Variants in ANKRD53 observed in about 807,000 individuals in gnomAD.
The protein encoded by ANKRD53 is ankyrin repeat domain 53.
In ANKRD53, 27 loss-of-function variants were observed where a neutral mutation model predicts 30.1. The observed-to-expected ratio is 0.90, with a 90% CI of 0.66 to 1.24. The LOEUF is 1.24. Among genes scored for constraint, ANKRD53 ranks in the 50% most tolerant of loss-of-function variants. ANKRD53 has a pLI of 0.00. For synonymous variants in ANKRD53, 286 were observed against 295.4 expected (o/e 0.97, Z 0.33); for missense variants, 682 against 721.0 (o/e 0.95, Z 0.62).
intron 2 of ANKRD53, 132 bp from the exon 3 acceptor site, chr2:70,979,529 T>G: frequency 7.2e-7 from 1 of 1,383,150 alleles, no homozygotes; most frequent in Non-Finnish European, 9.8e-7. Flanking sequence ...ACTGGTTAAT[T>G]AGCAAAAGGG....
chr2:70,983,991 A>G (rs1670091640), intron 5 of ANKRD53: 1 of 777,484 alleles, frequency 1.3e-6, no homozygotes, highest in African/African-American at 1.7e-5. Flanking sequence ...GGACAGAGCT[A>G]GATTGAGTTG....
chr2:70,982,298 C>A lies in ANKRD53; in HGVS notation c.782+198C>A. 1 of 754,248 alleles carries A rather than the reference C, an allele frequency of 1.3e-6. No individual in the cohort carries two copies. 46.7% of individuals were successfully genotyped at this position (754,248 alleles called of 1,614,324 possible). A position where few individuals can be genotyped will look rare whatever the true frequency, so the allele number is the denominator to read the frequency against. On this transcript the variant is annotated intron_variant, in intron 4 of 5. Transcript: ENST00000360589. This position sits in a 1 kb window ranked among gnomAD's most constrained non-coding sequence, Gnocchi z 4.2. ...GGCTTGGGGGTAAGTCTGCCCAGGT[C>A]CCCTGCTCTCTGGGTTGATCACTGC... is the stretch of plus-strand genomic sequence containing the variant.
Position 70,982,217 on chromosome 2 carries a change from G to A in ANKRD53, c.782+117G>A. 8.0e-7 allele frequency: 1 copy of A among 1,243,546 alleles called. No homozygotes were observed. 77.0% of individuals were successfully genotyped at this position (1,243,546 alleles called of 1,614,324 possible). A position where few individuals can be genotyped will look rare whatever the true frequency, so the allele number is the denominator to read the frequency against. ...GGGAGGGTTGGGAAGCCAGACAGCT[G>A]GAGGATGCGCCTACTGCCCAGGATA... On this transcript the variant is annotated intron_variant, in intron 4 of 5. Coordinates refer to ENST00000360589, the MANE Select transcript of ANKRD53 (RefSeq NM_001115116.2). The surrounding 1 kb of genome is among the most constrained non-coding windows in gnomAD (Gnocchi z 4.2).
Position 70,982,786 on chromosome 2 carries a change from G to C in ANKRD53, c.903+89G>C. The C allele has an allele frequency of 6.6e-7, 1 of 1,518,760 alleles. No individual in the cohort carries two copies. 94.1% of individuals were successfully genotyped at this position (1,518,760 alleles called of 1,614,324 possible). On this transcript the variant is annotated intron_variant, in intron 5 of 5. Coordinates refer to ENST00000360589, the MANE Select transcript of ANKRD53 (RefSeq NM_001115116.2). This position sits in a 1 kb window ranked among gnomAD's most constrained non-coding sequence, Gnocchi z 4.2. ...GTGACCCACATATTGTGGAGGAGTG[G>C]CTAGAAGCACTCCCACCCTGAAAGA...
rs1553423076 is a variant in ANKRD53 at position 70,979,309 on chromosome 2, A to C, written c.383A>C (p.Asn128Thr). 6 of 1,613,444 alleles carry C rather than the reference A, an allele frequency of 3.7e-6. No individual in the cohort carries two copies. Among genetic ancestry groups the C allele is most frequent in the Non-Finnish European group, 4.2e-6 (5 of 1,180,036 alleles). ...GTGGAATGGCTGCGATTCTGTCTGA[A>C]CCAGAGCCTCAGGGAAATCCCCACC... ...GNVEWLRFCL[N>T]QSLREIPTDD... is the part of the protein sequence containing the mutation. Residue 128 changes from asparagine to threonine, a missense_variant, in exon 2 of 6, where the codon AAC becomes ACC. Coordinates refer to ENST00000360589, the MANE Select transcript of ANKRD53 (RefSeq NM_001115116.2).
Position 70,985,149 on chromosome 2 carries a change from A to T in ANKRD53, c.1442A>T (p.Glu481Val). The change falls in exon 6 of 6, where the codon GAA becomes GTA. Residue 481 changes from glutamate (E) to valine (V), a missense_variant. Transcript: ENST00000360589. ...GGCTTTTACCCCATCAGCATGAGGGAAGTGCCCAGGAAGCGGCACCTGGGT... is the reference window on the plus strand; with the variant it reads ...GGCTTTTACCCCATCAGCATGAGGGTAGTGCCCAGGAAGCGGCACCTGGGT... Reference protein sequence around the residue: ...PQGFYPISMREVPRKRHLGDN... With the variant: ...PQGFYPISMRVVPRKRHLGDN... 1 of 1,551,278 alleles carries T rather than the reference A, an allele frequency of 6.4e-7. No homozygotes were observed. The highest frequency in any genetic ancestry group is 8.7e-7 in the Non-Finnish European group (1 of 1,146,920).
chr2:70,983,108 T>C (rs1553423979), intron 5 of ANKRD53, among the ~76,000 whole-genome samples: 1 of 152,126 alleles, frequency 6.6e-6, no homozygotes, highest in African/African-American at 2.4e-5. Context: ...GACCCTGAGG[T>C]CTAAAGATGA....
At chr2:70,984,527 G>A (rs1670111485) in intron 5 of ANKRD53, 84 bp from the exon 6 acceptor site, 15 of 1,547,554 alleles carry the variant, frequency 9.7e-6, no homozygotes, top group East Asian at 2.3e-5. Flanking sequence ...TGTGGTTTCC[G>A]AAAGCTACAG....
Position 70,984,983 on chromosome 2 carries a change from GTGAGGCC to G in ANKRD53, c.1280_1286del (p.Arg427MetfsTer40), listed in dbSNP as rs1553424503. ...GCACGACTTCAGCAGCTTCCTGGAGGTGAGGCCTGATGGGCACGGCGGTGCGCGGCTG... is the reference window on the plus strand; with the variant it reads ...GCACGACTTCAGCAGCTTCCTGGAGGTGATGGGCACGGCGGTGCGCGGCTG... On this transcript the variant is annotated frameshift_variant, in exon 6 of 6. Transcript: ENST00000360589. LOFTEE classifies it low-confidence loss of function (END_TRUNC). 3.9e-6 allele frequency: 6 copies of G among 1,549,942 alleles called. 1 individual carries two copies. The South Asian group carries it at 7.1e-5, about 18-fold the overall frequency.
rs551440985 is a variant in ANKRD53, at chr2:70,984,866, A to T, written c.1159A>T (p.Asn387Tyr). Residue 387 changes from asparagine (N) to tyrosine (Y), a missense_variant, in exon 6 of 6, where the codon AAT becomes TAT. By Grantham distance (143) the Asn-to-Tyr change is moderately radical. Coordinates refer to ENST00000360589, the MANE Select transcript of ANKRD53 (RefSeq NM_001115116.2). Reference sequence around the variant, plus strand: ...CACGGTCAAGCGGCCCACAATGTGGAATGTTAGCAACAACCCCGCCAGACC... The same window carrying T: ...CACGGTCAAGCGGCCCACAATGTGGTATGTTAGCAACAACCCCGCCAGACC... ...KPTVKRPTMW[N>Y]VSNNPARPPT... 27 of 1,551,308 alleles carry T rather than the reference A, an allele frequency of 1.7e-5. No individual in the cohort carries two copies. In the East Asian group the frequency reaches 6.6e-4, roughly 38 times the overall value.
Position 70,985,027 on chromosome 2 carries a change from C to T in ANKRD53, c.1320C>T (p.Asp440=), listed in dbSNP as rs782717988. 1.2e-5 allele frequency: 18 copies of T among 1,549,008 alleles called. No homozygotes were observed. Among genetic ancestry groups the T allele is most frequent in the Admixed American group, 3.9e-5 (2 of 50,930 alleles). The part of the protein sequence containing the change: ...GHGGARLHTV[D]GHWVAPVPRL... ...GCGGTGCGCGGCTGCACACAGTGGA[C>T]GGCCACTGGGTGGCGCCCGTGCCGC... Residue 440 remains aspartate (D), a synonymous_variant, in exon 6 of 6, where the codon GAC becomes GAT. Coordinates refer to ENST00000360589, the MANE Select transcript of ANKRD53 (RefSeq NM_001115116.2).
intron 5 of ANKRD53, chr2:70,984,312 C>T (rs1182288946): frequency 1.5e-5 from 25 of 1,613,190 alleles, no homozygotes; most frequent in Non-Finnish European, 2.1e-5. Context: ...GGAGTCTCAC[C>T]TAGGGCAGAG....
At chr2:70,978,509 A>C, upstream of ANKRD53, 6 of 1,024,928 alleles carry the variant, frequency 5.9e-6, no homozygotes, top group Non-Finnish European at 7.9e-6. This position sits in a 1 kb window ranked among gnomAD's most constrained non-coding sequence, Gnocchi z 4.3. Context: ...CCCTCCAGCT[A>C]GAGAGGCAGC....
chr2:70,982,766 C>T lies in ANKRD53; in HGVS notation c.903+69C>T. On this transcript the variant is annotated intron_variant, in intron 5 of 5. Transcript: ENST00000360589. The surrounding 1 kb of genome is among the most constrained non-coding windows in gnomAD (Gnocchi z 4.2). The stretch of plus-strand genomic sequence containing the variant: ...GCATGTGAGCAGAGGGGGCAGTGAC[C>T]CACATATTGTGGAGGAGTGGCTAGA... The T allele has an allele frequency of 6.3e-7, 1 of 1,577,956 alleles. No individual in the cohort carries two copies.
intron 5 of ANKRD53, chr2:70,984,076 G>A: frequency 6.4e-7 from 1 of 1,562,056 alleles, no homozygotes; most frequent in Non-Finnish European, 8.8e-7. Context: ...CTTCCAAGAA[G>A]CGTGTCCACA....
Position 70,981,969 on chromosome 2 carries a change from G to A in ANKRD53, c.651G>A (p.Leu217=). The stretch of plus-strand genomic sequence containing the variant: ...GCAACGGCTCCACGCCCCTGCACCT[G>A]GCAGCCCGTGACGGCTTGCTGGACT... ...QTCNGSTPLH[L]AARDGLLDCV... The change falls in exon 4 of 6, where the codon CTG becomes CTA. Residue 217 remains leucine (L), a synonymous_variant. Transcript: ENST00000360589. 1.9e-6 allele frequency: 3 copies of A among 1,608,880 alleles called. No individual in the cohort carries two copies. Among genetic ancestry groups the A allele is most frequent in the Non-Finnish European group, 2.5e-6 (3 of 1,177,436 alleles).
rs781938225 is a variant in ANKRD53 at position 70,982,041 on chromosome 2, T to C, written c.723T>C (p.Asp241=). 8 of 1,613,652 alleles carry C rather than the reference T, an allele frequency of 5.0e-6. No homozygotes were observed. The highest frequency in any genetic ancestry group is 1.1e-5 in the South Asian group (1 of 91,038). ...VQSGANVHAQ[D]AMGYKPIDFC... ...GTGGCGCCAACGTCCATGCCCAAGA[T>C]GCCATGGGCTACAAACCCATTGACT... is the stretch of plus-strand genomic sequence containing the variant. Residue 241 remains aspartate (D), a synonymous_variant, in exon 4 of 6, where the codon GAT becomes GAC. Transcript: ENST00000360589. The surrounding 1 kb of genome is among the most constrained non-coding windows in gnomAD (Gnocchi z 4.2).
At chr2:70,980,678 GC>G (rs1363607122) in intron 3 of ANKRD53, among the ~76,000 whole-genome samples, 1 of 152,158 alleles carries the variant, frequency 6.6e-6, no homozygotes, top group Admixed American at 6.5e-5. Flanking sequence ...GGCCGCAGTG[GC>G]TCACGCCTGT....
chr2:70,984,741 G>A lies in ANKRD53; in HGVS notation c.1034G>A (p.Arg345Gln), dbSNP rs369741247. ...GCCCTCTCCAAGACCCCAGAGCAAC[G>A]GGAATCGCAGCGTTCCAGGAGCTTC... ...ATALSKTPEQ[R>Q]ESQRSRSFHP... Residue 345 changes from arginine to glutamine, a missense_variant, in exon 6 of 6, where the codon CGG becomes CAG. Arg to Gln is a conservative substitution (Grantham distance 43). Coordinates refer to ENST00000360589, the MANE Select transcript of ANKRD53 (RefSeq NM_001115116.2). The A allele has an allele frequency of 1.4e-4, 221 of 1,599,892 alleles. 1 individual carries two copies. In the African/African-American group the frequency reaches 1.9e-3, roughly 14 times the overall value.
Sources: gnomAD v4.1 joint callset for allele counts (sites outside exome capture counted in the v4.1 genomes callset) on GRCh38, gnomAD v4.1.1 for gene constraint, Gnocchi (gnomAD v3.1) non-coding constraint, MANE v1.5 for transcripts, NCBI Gene and HGNC (gene_info 2026-07-23, HGNC 2026-07-21) for gene names.